Variants in FOXP1 observed in about 807,000 individuals in gnomAD.
The protein encoded by FOXP1 is forkhead box P1.
Under a neutral mutation model 98.2 loss-of-function variants are expected in FOXP1, and 15 were observed. The ratio of observed to expected loss-of-function variants is 0.15; its 90% confidence interval spans 0.10 to 0.24. The LOEUF (loss-of-function observed/expected upper bound fraction) is 0.24, where lower values mean the gene tolerates loss of function less well. FOXP1 is among the 10% of genes least tolerant of loss of function. The pLI is 1.00. For synonymous variants in FOXP1, 371 were observed against 314.5 expected (o/e 1.18, Z -1.90); for missense variants, 633 against 848.5 (o/e 0.75, Z 3.15).
At chr3:71,158,143 GGGAAGGAGGGAGGGAGGCAGGGAAGGAA>G (rs2060935802) in intron 6 of FOXP1, among the ~76,000 whole-genome samples, 1 of 51,822 alleles carries the variant, frequency 1.9e-5, no homozygotes, top group African/African-American at 6.5e-5. Context: ...GAGGGAGGCA[GGGAAGGAGGGAGGGAGGCAGGGAAGGAA>G]GGAAGGAGGG....
intron 3 of FOXP1, among the ~76,000 whole-genome samples, chr3:71,452,862 C>T (rs1405154044): frequency 6.6e-6 from 1 of 152,142 alleles, no homozygotes; most frequent in Non-Finnish European, 1.5e-5. Context: ...AACAAATCTC[C>T]AAGGAATTTG....
At chr3:71,542,076 T>TTA (rs2044881871) in intron 2 of FOXP1, 1 of 523,822 alleles carries the variant, frequency 1.9e-6, no homozygotes, top group Admixed American at 2.0e-5. Context: ...TTAAACTGGC[T>TTA]TATATATCAA....
chr3:71,411,192 C>A (rs1313807702), intron 3 of FOXP1, among the ~76,000 whole-genome samples: 1 of 152,104 alleles, frequency 6.6e-6, no homozygotes, highest in Non-Finnish European at 1.5e-5. Flanking sequence ...CCCCTAGCTC[C>A]ATTCGCTTCT....
chr3:70,972,368 A>G, intron 18 of FOXP1, 187 bp downstream of exon 18: 1 of 937,004 alleles, frequency 1.1e-6, no homozygotes, highest in Non-Finnish European at 1.7e-6. Flanking sequence ...AACAAAGACC[A>G]GCAAGCAGGG....
chr3:71,474,635 C>T (rs2089659442), intron 3 of FOXP1, among the ~76,000 whole-genome samples: 1 of 151,946 alleles, frequency 6.6e-6, no homozygotes. Flanking sequence ...TTGTGAACTG[C>T]ACATGTGAGG....
At chr3:71,538,297 T>C (rs1168915500) in intron 2 of FOXP1, among the ~76,000 whole-genome samples, 2 of 152,146 alleles carry the variant, frequency 1.3e-5, no homozygotes, top group East Asian at 3.8e-4. Context: ...CCAAAAGAGA[T>C]CCTATACCCA....
intron 5 of FOXP1, among the ~76,000 whole-genome samples, chr3:71,240,063 C>G (rs1560169461): frequency 6.6e-6 from 1 of 152,198 alleles, no homozygotes; most frequent in Non-Finnish European, 1.5e-5. Context: ...TTCACAGTCC[C>G]AAGAAATGAG....
chr3:71,106,211 T>C (rs2057409801), intron 7 of FOXP1, among the ~76,000 whole-genome samples: 1 of 152,260 alleles, frequency 6.6e-6, no homozygotes, highest in Admixed American at 6.5e-5. Flanking sequence ...ACATTCATTA[T>C]CTATCACACT....
intron 7 of FOXP1, among the ~76,000 whole-genome samples, chr3:71,073,371 G>C (rs1374183720): frequency 6.6e-6 from 1 of 152,042 alleles, no homozygotes; most frequent in Non-Finnish European, 1.5e-5. Flanking sequence ...ACCTCTTCCT[G>C]CCTTGGGGCT....
intron 3 of FOXP1, among the ~76,000 whole-genome samples, chr3:71,477,863 G>T (rs1344206686): frequency 2.0e-5 from 3 of 152,198 alleles, no homozygotes; most frequent in African/African-American, 7.2e-5. Flanking sequence ...TTCCTAAAAT[G>T]ATTAAAGTAA....
intron 3 of FOXP1, among the ~76,000 whole-genome samples, chr3:71,384,270 A>AT: frequency 6.6e-6 from 1 of 152,272 alleles, no homozygotes; most frequent in Middle Eastern, 3.4e-3. Flanking sequence ...GCTGTTAAAC[A>AT]TCCTTCCAAA....
At chr3:71,094,586 T>C (rs1393644735) in intron 7 of FOXP1, among the ~76,000 whole-genome samples, 1 of 152,222 alleles carries the variant, frequency 6.6e-6, no homozygotes, top group Non-Finnish European at 1.5e-5. Context: ...ACTGCCAACT[T>C]CCATTCTAAG....
chr3:71,397,619 A>G (rs1387720656), intron 3 of FOXP1, among the ~76,000 whole-genome samples: 2 of 152,232 alleles, frequency 1.3e-5, no homozygotes, highest in South Asian at 4.1e-4. Context: ...GGTCAAGTCT[A>G]CAAGAGCTAT....
At chr3:71,237,433 C>G (rs953231626) in intron 5 of FOXP1, among the ~76,000 whole-genome samples, 1 of 152,034 alleles carries the variant, frequency 6.6e-6, no homozygotes, top group Non-Finnish European at 1.5e-5. Context: ...GCTAGCCACG[C>G]TTCCAGGGCT....
At chr3:71,013,250 T>G (rs2043926355) in intron 12 of FOXP1, among the ~76,000 whole-genome samples, 1 of 152,190 alleles carries the variant, frequency 6.6e-6, no homozygotes, top group African/African-American at 2.4e-5. Flanking sequence ...AATACCAATA[T>G]AGAAAGTTAA....
intron 17 of FOXP1, among the ~76,000 whole-genome samples, chr3:70,972,944 C>T (rs2036583881): frequency 6.6e-6 from 1 of 152,046 alleles, no homozygotes; most frequent in Non-Finnish European, 1.5e-5. Flanking sequence ...TGCATACAAG[C>T]CCAAAATAGG....
At chr3:71,388,566 C>G (rs2108102981) in intron 3 of FOXP1, among the ~76,000 whole-genome samples, 1 of 152,080 alleles carries the variant, frequency 6.6e-6, no homozygotes, top group South Asian at 2.1e-4. Context: ...ATTTTTTTAA[C>G]CTGTTGACTA....
chr3:71,252,980 A>AGACAGAG (rs2107082086), intron 5 of FOXP1, among the ~76,000 whole-genome samples: 1 of 152,338 alleles, frequency 6.6e-6, no homozygotes, highest in South Asian at 2.1e-4. Context: ...ATGCTGCCTG[A>AGACAGAG]GACAGAGGTG....
At chr3:71,398,179 G>A (rs919179730) in intron 3 of FOXP1, among the ~76,000 whole-genome samples, 9 of 152,154 alleles carry the variant, frequency 5.9e-5, no homozygotes, top group Non-Finnish European at 1.2e-4. Flanking sequence ...ACCAGAAATT[G>A]TGCCTCTTTC....
Sources: allele counts gnomAD v4.1 joint callset (sites outside exome capture counted in the v4.1 genomes callset), GRCh38; gene constraint gnomAD v4.1.1; transcripts MANE v1.5; gene names NCBI Gene and HGNC (gene_info 2026-07-23, HGNC 2026-07-21).